C5orf58: variants seen among roughly 807,000 people sequenced by gnomAD.
C5orf58 encodes putative uncharacterized protein C5orf58.
Under a neutral mutation model 2.9 loss-of-function variants are expected in C5orf58, and 2 were observed. The observed-to-expected ratio is 0.69, with a 90% CI of 0.28 to 2.18. The LOEUF (loss-of-function observed/expected upper bound fraction) is 2.18, where lower values mean the gene tolerates loss of function less well. Among genes scored for constraint, C5orf58 ranks in the 30% most tolerant of loss-of-function variants. The probability of loss-of-function intolerance (pLI) is 0.13; values close to 1 mark genes in which losing one functional copy is unlikely to be tolerated. For synonymous variants in C5orf58, 37 were observed against 33.4 expected (o/e 1.11, Z -0.37); for missense variants, 96 against 91.7 (o/e 1.05, Z -0.19).
At chr5:170,252,018 C>A in exon 3 of C5orf58, 1 of 197,738 alleles carries the variant, frequency 5.1e-6, no homozygotes, top group Non-Finnish European at 1.1e-5. Context: ...GGGCAAAAAG[C>A]AAAAAGTTGC....
intron 3 of C5orf58, chr5:170,237,304 A>G (rs1413923420): frequency 7.5e-6 from 3 of 398,354 alleles, no homozygotes; most frequent in African/African-American, 6.2e-5. Context: ...AGAATTTACC[A>G]TAATCCAGGA....
intron 3 of C5orf58, among the ~76,000 whole-genome samples, chr5:170,239,150 C>T (rs1760869046): frequency 6.6e-6 from 1 of 152,070 alleles, no homozygotes; most frequent in Non-Finnish European, 1.5e-5. Flanking sequence ...AATTGGGGGA[C>T]ATTTAGGATA....
chr5:170,244,039 G>A (rs986081408), intron 3 of C5orf58, among the ~76,000 whole-genome samples: 12 of 151,474 alleles, frequency 7.9e-5, no homozygotes, highest in Non-Finnish European at 1.2e-4. Context: ...CACTTATGAA[G>A]CTTAGTTTGG....
chr5:170,251,874 G>T, exon 3 of C5orf58: 1 of 248,730 alleles, frequency 4.0e-6, no homozygotes, highest in Non-Finnish European at 8.6e-6. Context: ...TACTGGTGTG[G>T]AGTTTAAGTG....
At position 170,239,925 on chromosome 5, in the gene C5orf58, G is replaced by A. The variant is rs562841815; in HGVS notation, c.94+4855G>A. 6.4e-3 allele frequency among the ~76,000 whole-genome samples: 648 copies of A among 101,854 alleles called. 2 individuals carry two copies. The highest frequency in any genetic ancestry group is 0.022 in the African/African-American group (580 of 26,918). 66.8% of individuals were successfully genotyped at this position (101,854 alleles called of 152,430 possible). On this transcript the variant is annotated intron_variant, in intron 3 of 3. Coordinates refer to ENST00000593851, the MANE Select transcript of C5orf58 (RefSeq NM_001102609.3). ...TATCTCCCAATGCTATCCCTCCCCC[G>A]TCCCCCCACCCCACCACAGTTCCCA...
At chr5:170,248,928 ATTGTGGGGGG>A, downstream of C5orf58, 1 of 1,080,910 alleles carries the variant, frequency 9.3e-7, no homozygotes, top group African/African-American at 1.6e-5. Context: ...AGTGATGAGG[ATTGTGGGGGG>A]AAAAAATGTA....
downstream of C5orf58, chr5:170,247,432 G>A (rs1312902127): frequency 6.6e-6 from 1 of 152,184 alleles, no homozygotes; most frequent in Non-Finnish European, 1.5e-5. Flanking sequence ...TCATGAAAAT[G>A]AAGCTGCAAG....
intron 3 of C5orf58, among the ~76,000 whole-genome samples, chr5:170,237,896 T>G (rs1581037200): frequency 6.7e-6 from 1 of 149,810 alleles, no homozygotes; most frequent in Admixed American, 6.6e-5. Context: ...AGACCCCCAG[T>G]TTTTTTTCCT....
At chr5:170,243,421 T>C (rs943948458) in intron 3 of C5orf58, among the ~76,000 whole-genome samples, 9 of 142,600 alleles carry the variant, frequency 6.3e-5, no homozygotes, top group African/African-American at 2.4e-4. Flanking sequence ...CTAAGTCTCT[T>C]TGTAGGTCAC....
chr5:170,250,442 T>A (rs552558490), downstream of C5orf58, among the ~76,000 whole-genome samples: 36 of 152,376 alleles, frequency 2.4e-4, no homozygotes, highest in African/African-American at 7.7e-4. Context: ...GGAACTTTCC[T>A]TTGACACCAT....
Position 170,245,996 on chromosome 5 carries a change from A to G in C5orf58, c.129A>G (p.Leu43=). 1 of 1,613,766 alleles carries G rather than the reference A, an allele frequency of 6.2e-7. No homozygotes were observed. The highest frequency in any genetic ancestry group is 8.5e-7 in the Non-Finnish European group (1 of 1,179,762). Residue 43 remains leucine, a synonymous_variant, in exon 4 of 4, where the codon CTA becomes CTG. Coordinates refer to ENST00000593851, the MANE Select transcript of C5orf58 (RefSeq NM_001102609.3). The part of the protein sequence containing the change: ...LSQLLLCDLI[L]HFNHPIKTEN... ...AGTTATTGCTTTGTGACCTTATCCT[A>G]CATTTTAATCATCCCATCAAGACTG...
chr5:170,250,983 T>A, downstream of C5orf58: 1 of 928,332 alleles, frequency 1.1e-6, no homozygotes. Context: ...CTGACAAACA[T>A]GTCAGTTGCA....
chr5:170,236,139 A>C (rs1456607513), intron 3 of C5orf58, among the ~76,000 whole-genome samples: 1 of 152,034 alleles, frequency 6.6e-6, no homozygotes, highest in Non-Finnish European at 1.5e-5. Flanking sequence ...GACTGCCAAG[A>C]CCAGTTTGGA....
intron 3 of C5orf58, among the ~76,000 whole-genome samples, chr5:170,238,587 C>A (rs910498025): frequency 6.6e-6 from 1 of 152,108 alleles, no homozygotes; most frequent in Non-Finnish European, 1.5e-5. Context: ...TTTGTTTCTA[C>A]AATGAAAGAG....
At chr5:170,239,896 T>A (rs1156820952) in intron 3 of C5orf58, among the ~76,000 whole-genome samples, 1 of 152,142 alleles carries the variant, frequency 6.6e-6, no homozygotes, top group Non-Finnish European at 1.5e-5. Context: ...TCTAGCATTA[T>A]GTGTATCTCC....
intron 3 of C5orf58, among the ~76,000 whole-genome samples, chr5:170,235,590 T>C (rs1760709296): frequency 6.6e-6 from 1 of 152,232 alleles, no homozygotes; most frequent in Non-Finnish European, 1.5e-5. Flanking sequence ...TTTCTAGGGA[T>C]AATCTATCCC....
chr5:170,251,685 A>G (rs1321851556), exon 3 of C5orf58: 1 of 455,968 alleles, frequency 2.2e-6, no homozygotes, highest in South Asian at 1.5e-5. Context: ...CTAAACAAAC[A>G]TACTTCTGGA....
intron 3 of C5orf58, among the ~76,000 whole-genome samples, chr5:170,243,236 G>A (rs1209932206): frequency 6.0e-5 from 9 of 148,934 alleles, no homozygotes; most frequent in Non-Finnish European, 1.3e-4. Context: ...GTGTGGTGCT[G>A]AAAAAAATGT....
chr5:170,245,639 C>T (rs4605806), intron 3 of C5orf58, among the ~76,000 whole-genome samples: 2,453 of 152,298 alleles, frequency 0.016, 27 homozygotes, highest in Middle Eastern at 0.051. Context: ...GCTCGCACAC[C>T]GTGCGCGCAC....
Sources: allele counts gnomAD v4.1 joint callset (sites outside exome capture counted in the v4.1 genomes callset), GRCh38; gene constraint gnomAD v4.1.1; transcripts MANE v1.5; gene names NCBI Gene and HGNC (gene_info 2026-07-23, HGNC 2026-07-21).